Variants in TMEM117 observed in about 807,000 individuals in gnomAD.
TMEM117 encodes transmembrane protein 117.
In TMEM117, 27 loss-of-function variants were observed where a neutral mutation model predicts 52.4. The observed-to-expected ratio is 0.51, with a 90% confidence interval of 0.38 to 0.71. TMEM117 has a LOEUF of 0.71. TMEM117 is among the 30% of genes least tolerant of loss of function. The pLI is 0.00. For synonymous variants in TMEM117, 215 were observed against 206.3 expected, an observed-to-expected ratio of 1.04 and a Z score of -0.36; for missense variants, 556 against 630.5, an observed-to-expected ratio of 0.88 and a Z score of 1.26.
At chr12:44,288,856 T>A (rs1332252719) in intron 5 of TMEM117, among the ~76,000 whole-genome samples, 1 of 152,174 alleles carries the variant, frequency 6.6e-6, no homozygotes, top group African/African-American at 2.4e-5. Flanking sequence ...TGTGTGTGTA[T>A]GTATGTATGC....
chr12:43,895,816 G>T (rs1377563463), intron 2 of TMEM117, among the ~76,000 whole-genome samples: 1 of 152,174 alleles, frequency 6.6e-6, no homozygotes, highest in African/African-American at 2.4e-5. Context: ...TTCATAATAT[G>T]TCCTTAAACT....
intron 5 of TMEM117, among the ~76,000 whole-genome samples, chr12:44,258,342 G>T (rs1196242876): frequency 1.3e-5 from 2 of 152,092 alleles, no homozygotes; most frequent in Admixed American, 6.6e-5. Context: ...TGGCCTCATT[G>T]AGTAATGGCT....
intron 6 of TMEM117, among the ~76,000 whole-genome samples, chr12:44,314,260 A>G (rs1292147587): frequency 2.0e-5 from 3 of 151,958 alleles, no homozygotes; most frequent in Admixed American, 1.3e-4. Context: ...TATTTTTTTG[A>G]TGTATGTTCC....
chr12:44,168,254 A>C (rs1431616214), intron 4 of TMEM117, among the ~76,000 whole-genome samples: 2 of 88,172 alleles, frequency 2.3e-5, no homozygotes, highest in Non-Finnish European at 3.8e-5. Flanking sequence ...CCCCATCTCA[A>C]AAAAAAAAAA....
intron 3 of TMEM117, among the ~76,000 whole-genome samples, chr12:44,085,704 C>T (rs1947555552): frequency 6.6e-6 from 1 of 152,208 alleles, no homozygotes; most frequent in African/African-American, 2.4e-5. Context: ...CTCACTAAAT[C>T]TGTACTACTT....
intron 4 of TMEM117, among the ~76,000 whole-genome samples, chr12:44,206,103 T>A (rs1949562256): frequency 6.6e-6 from 1 of 152,212 alleles, no homozygotes; most frequent in Admixed American, 6.5e-5. Flanking sequence ...TCTTTTAATT[T>A]TATTTTATTT....
At chr12:44,258,607 GA>G (rs369988278) in intron 5 of TMEM117, among the ~76,000 whole-genome samples, 2,982 of 152,138 alleles carry the variant, frequency 0.02, 86 homozygotes, top group African/African-American at 0.068. Context: ...AAACTCTTTT[GA>G]AAAAATAATT....
intron 5 of TMEM117, among the ~76,000 whole-genome samples, chr12:44,291,962 C>A (rs1252457745): frequency 6.6e-6 from 1 of 151,752 alleles, no homozygotes; most frequent in Non-Finnish European, 1.5e-5. Flanking sequence ...TTTGTAGTAT[C>A]CATATCTGGC....
At chr12:44,291,235 T>A (rs1397153252) in intron 5 of TMEM117, among the ~76,000 whole-genome samples, 1 of 152,044 alleles carries the variant, frequency 6.6e-6, no homozygotes, top group African/African-American at 2.4e-5. Context: ...AGAATTTTAT[T>A]CTTTATTATT....
chr12:44,307,719 C>G (rs1409820852), intron 6 of TMEM117, among the ~76,000 whole-genome samples: 1 of 152,146 alleles, frequency 6.6e-6, no homozygotes, highest in Non-Finnish European at 1.5e-5. Context: ...CAACAGACCT[C>G]CAAATAGTAG....
At chr12:44,093,962 T>C (rs141074168) in intron 3 of TMEM117, among the ~76,000 whole-genome samples, 1 of 152,152 alleles carries the variant, frequency 6.6e-6, no homozygotes, top group Non-Finnish European at 1.5e-5. Context: ...ACTCACAGAG[T>C]ATATTAATCA....
At chr12:43,947,137 C>T (rs866089490) in intron 3 of TMEM117, among the ~76,000 whole-genome samples, 1 of 152,076 alleles carries the variant, frequency 6.6e-6, no homozygotes, top group Non-Finnish European at 1.5e-5. Context: ...AGTTTGAGAC[C>T]AGTCTGGGCA....
intron 5 of TMEM117, among the ~76,000 whole-genome samples, chr12:44,256,722 T>C (rs1950264480): frequency 6.6e-6 from 1 of 152,132 alleles, no homozygotes. Context: ...TCTTACTTGA[T>C]TTCTGTTTCT....
intron 3 of TMEM117, among the ~76,000 whole-genome samples, chr12:44,131,841 A>G (rs1450031483): frequency 6.6e-6 from 1 of 152,074 alleles, no homozygotes; most frequent in South Asian, 2.1e-4. Flanking sequence ...AGTTTTAGGT[A>G]TTTTTATAGC....
chr12:44,364,317 G>A (rs540453364), intron 6 of TMEM117, among the ~76,000 whole-genome samples: 1 of 152,092 alleles, frequency 6.6e-6, no homozygotes, highest in African/African-American at 2.4e-5. Flanking sequence ...TACTGAGGTA[G>A]CATAAAATTA....
intron 7 of TMEM117, among the ~76,000 whole-genome samples, chr12:44,382,925 C>T (rs779855783): frequency 4.6e-5 from 7 of 152,144 alleles, no homozygotes; most frequent in Non-Finnish European, 7.4e-5. Flanking sequence ...GATGCTAACT[C>T]GTGAGCCCTG....
chr12:44,310,667 C>A (rs1950962828), intron 6 of TMEM117, among the ~76,000 whole-genome samples: 1 of 152,110 alleles, frequency 6.6e-6, no homozygotes. Context: ...ATCACCGGAA[C>A]CTTTACAGAG....
intron 2 of TMEM117, among the ~76,000 whole-genome samples, chr12:43,920,492 G>A (rs1944674378): frequency 6.6e-6 from 1 of 150,972 alleles, no homozygotes; most frequent in Admixed American, 6.6e-5. Context: ...CAGCCTGGGT[G>A]ACAGACTGAG....
intron 3 of TMEM117, among the ~76,000 whole-genome samples, chr12:44,076,911 T>G (rs1947391679): frequency 6.6e-6 from 1 of 152,148 alleles, no homozygotes; most frequent in Non-Finnish European, 1.5e-5. Context: ...ATTTGACAGT[T>G]TGGGCCATTA....
Sources: gnomAD v4.1 joint callset for allele counts (sites outside exome capture counted in the v4.1 genomes callset) on GRCh38, gnomAD v4.1.1 for gene constraint, MANE v1.5 for transcripts, NCBI Gene and HGNC (gene_info 2026-07-23, HGNC 2026-07-21) for gene names.